The following RALY variants were observed in gnomAD, a reference collection of about 807,000 sequenced individuals.
The protein encoded by RALY is RALY heterogeneous nuclear ribonucleoprotein, also known as RNA-binding protein Raly.
A neutral mutation model predicts 30.7 loss-of-function variants in RALY; 15 were observed. That is an observed-to-expected ratio of 0.49 (90% CI 0.33 to 0.75). The LOEUF is 0.75. Ranked by LOEUF, RALY falls within the 30% of genes least tolerant of loss-of-function variation. The pLI is 0.02. For missense variants in RALY, 339 were observed against 414.3 expected (o/e 0.82, Z 1.58); for synonymous variants, 177 against 170.8 (o/e 1.04, Z -0.28).
intron 1 of RALY, among the ~76,000 whole-genome samples, chr20:34,026,654 C>T (rs1374142208): frequency 6.6e-6 from 1 of 151,884 alleles, no homozygotes; most frequent in Non-Finnish European, 1.5e-5. Flanking sequence ...TCGTGATCCG[C>T]CCGCCTTGGC....
intron 2 of RALY, among the ~76,000 whole-genome samples, chr20:34,044,898 G>T (rs1322699069): frequency 6.6e-6 from 1 of 152,166 alleles, no homozygotes; most frequent in Non-Finnish European, 1.5e-5. Flanking sequence ...AACAAGGACT[G>T]CCTTCATGGA....
intron 1 of RALY, among the ~76,000 whole-genome samples, chr20:34,018,165 T>C (rs1423552551): frequency 1.3e-5 from 2 of 152,240 alleles, no homozygotes; most frequent in African/African-American, 2.4e-5. Context: ...GATGGACTGC[T>C]CTGAGCCCTT....
At chr20:34,039,926 CGTG>C (rs955227888) in intron 2 of RALY, among the ~76,000 whole-genome samples, 4 of 152,118 alleles carry the variant, frequency 2.6e-5, no homozygotes, top group African/African-American at 9.7e-5. Context: ...TCCTGGCCAA[CGTG>C]GTGAAACCCC....
At chr20:34,055,663 G>A (rs922035015) in intron 2 of RALY, among the ~76,000 whole-genome samples, 2 of 152,144 alleles carry the variant, frequency 1.3e-5, no homozygotes, top group Non-Finnish European at 2.9e-5. Flanking sequence ...TCCTCAGGTG[G>A]ATCTTAGCCA....
chr20:34,065,101 T>C (rs1316720558), intron 2 of RALY: 1 of 152,190 alleles, frequency 6.6e-6, no homozygotes, highest in Non-Finnish European at 1.5e-5. Context: ...GTGAGCACGG[T>C]GTTTCCCAGC....
intron 2 of RALY, among the ~76,000 whole-genome samples, chr20:34,040,992 A>C (rs548295625): frequency 3.3e-5 from 5 of 152,178 alleles, no homozygotes; most frequent in Non-Finnish European, 5.9e-5. Context: ...CCATGCCTTC[A>C]GTGTATTTTC....
chr20:34,081,296 C>A lies in RALY; in HGVS notation c.*1391C>A, dbSNP rs961440431. ...GCAGCACCCAGAAATAGGCTTTGTT[C>A]CAGGCCTGGCACGTACTCCTCCTGC... On this transcript the variant is annotated 3_prime_UTR_variant, in exon 10 of 10. Transcript: ENST00000246194. 5.9e-5 allele frequency: 9 copies of A among 152,218 alleles called. No homozygotes were observed. Among genetic ancestry groups the A allele is most frequent in the Admixed American group, 2.0e-4 (3 of 15,264 alleles). The allele number at this position is 152,218 out of a possible 1,614,324, so 9.4% of individuals were successfully genotyped here. A position where few individuals can be genotyped will look rare whatever the true frequency, so the allele number is the denominator to read the frequency against.
intron 2 of RALY, among the ~76,000 whole-genome samples, chr20:34,053,968 A>G (rs1272407324): frequency 2.0e-5 from 3 of 152,286 alleles, no homozygotes; most frequent in Non-Finnish European, 2.9e-5. Context: ...TCTGGGCTGC[A>G]GACTCAAGCT....
chr20:34,013,071 TA>T (rs2031471028), intron 1 of RALY, among the ~76,000 whole-genome samples: 1 of 152,188 alleles, frequency 6.6e-6, no homozygotes, highest in Non-Finnish European at 1.5e-5. Flanking sequence ...CACTGTATTA[TA>T]AAATAGGCTT....
chr20:34,021,728 G>A (rs1407446198), intron 1 of RALY, among the ~76,000 whole-genome samples: 1 of 152,034 alleles, frequency 6.6e-6, no homozygotes, highest in East Asian at 1.9e-4. Context: ...GCGTGACCTT[G>A]GGCCAGTCAC....
intron 2 of RALY, among the ~76,000 whole-genome samples, chr20:34,063,403 C>T (rs2033473350): frequency 6.6e-6 from 1 of 152,138 alleles, no homozygotes; most frequent in Non-Finnish European, 1.5e-5. Context: ...CAGACAAGCC[C>T]TTGGGTCTTT....
Position 34,008,917 on chromosome 20 carries a change from C to T in RALY, c.-93+14786C>T, listed in dbSNP as rs569434242. Among the ~76,000 whole-genome samples the T allele has an allele frequency of 4.0e-4, 61 of 152,188 alleles. No homozygotes were observed. In the South Asian group the frequency reaches 9.8e-3, roughly 24 times the overall value. ...CAAGCAGTTCTGCTACCTTGGCCTCCGAAAGTGTTGGGATTATGTGTGAGC... is the reference window on the plus strand; with the variant it reads ...CAAGCAGTTCTGCTACCTTGGCCTCTGAAAGTGTTGGGATTATGTGTGAGC... On this transcript the variant is annotated intron_variant, in intron 1 of 9. Transcript: ENST00000246194.
At chr20:34,078,627 G>A in intron 9 of RALY, 74 bp downstream of exon 9, 1 of 1,383,042 alleles carries the variant, frequency 7.2e-7, no homozygotes, top group South Asian at 1.7e-5. Flanking sequence ...TCCCTGGATT[G>A]GGCAGGAAGT....
At position 34,082,946 on chromosome 20, in the gene RALY, C is replaced by G. The variant is rs1369969092; in HGVS notation, c.*3041C>G. 2 of 152,226 alleles carry G rather than the reference C, an allele frequency of 1.3e-5. No homozygotes were observed. The highest frequency in any genetic ancestry group is 2.9e-5 in the Non-Finnish European group (2 of 68,050). The allele number at this position is 152,226 out of a possible 1,614,324, so 9.4% of individuals were successfully genotyped here. A position where few individuals can be genotyped will look rare whatever the true frequency, so the allele number is the denominator to read the frequency against. The stretch of plus-strand genomic sequence containing the variant: ...TCACAGCCATCTTGAAAGAATAGAG[C>G]AGCCAGTGGGTATACTGGATTGTGA... On this transcript the variant is annotated 3_prime_UTR_variant, in exon 10 of 10. Transcript: ENST00000246194.
At position 34,077,111 on chromosome 20, in the gene RALY, G is replaced by A. The variant is rs200948404; in HGVS notation, c.742G>A (p.Gly248Ser). Residue 248 changes from glycine to serine, a missense_variant, in exon 8 of 10, where the codon GGT becomes AGT. Physicochemically the swap from Gly to Ser is moderately conservative, Grantham distance 56. This residue lies in a region of RALY where 268 missense variants were observed against 280.6 expected (regional missense o/e 0.95). Coordinates refer to ENST00000246194, the MANE Select transcript of RALY (RefSeq NM_016732.3). ...CGGTGGCGGTGGCAGTGGTGGTGGC[G>A]GTGGCGGTGGCAGCAGCCGGCCACC... Reference protein sequence around the residue: ...GSGGGGSGGGGGGGSSRPPAP... With the variant: ...GSGGGGSGGGSGGGSSRPPAP... The A allele has an allele frequency of 0.018, 29,635 of 1,603,652 alleles. 311 individuals carry two copies. The highest frequency in any genetic ancestry group is 0.021 in the Non-Finnish European group (25,130 of 1,174,504).
chr20:34,012,846 GC>G (rs2031460168), intron 1 of RALY, among the ~76,000 whole-genome samples: 1 of 152,184 alleles, frequency 6.6e-6, no homozygotes, highest in African/African-American at 2.4e-5. Context: ...CTGTGTTTCT[GC>G]CCAGTAGAAG....
At chr20:34,034,544 A>T (rs1400844970) in intron 2 of RALY, among the ~76,000 whole-genome samples, 1 of 152,228 alleles carries the variant, frequency 6.6e-6, no homozygotes, top group Non-Finnish European at 1.5e-5. Context: ...GATTCCACGT[A>T]AATAAGTGTG....
chr20:34,009,951 C>G (rs1035301174), intron 1 of RALY, among the ~76,000 whole-genome samples: 10 of 152,126 alleles, frequency 6.6e-5, no homozygotes, highest in South Asian at 4.1e-4. Flanking sequence ...GAGACTTTAC[C>G]TAGTTAAGGT....
intron 1 of RALY, among the ~76,000 whole-genome samples, chr20:34,023,628 G>A (rs2031912350): frequency 1.3e-5 from 2 of 152,102 alleles, no homozygotes; most frequent in Admixed American, 6.6e-5. Context: ...GGGCTCTCAT[G>A]TGGAGCTAAC....
Sources: allele counts gnomAD v4.1 joint callset (sites outside exome capture counted in the v4.1 genomes callset), GRCh38; gene constraint gnomAD v4.1.1; regional missense constraint gnomAD v4.1.1; transcripts MANE v1.5; gene names NCBI Gene and HGNC (gene_info 2026-07-23, HGNC 2026-07-21).